The following SPTBN4 variants were observed in gnomAD, a reference collection of about 807,000 sequenced individuals.
The protein encoded by SPTBN4 is spectrin beta, non-erythrocytic 4, also known as spectrin beta chain, non-erythrocytic 4.
SPTBN4 carries 96 observed loss-of-function variants against 277.8 expected under a neutral mutation model. The ratio of observed to expected loss-of-function variants is 0.35; its 90% confidence interval spans 0.29 to 0.41. The LOEUF (loss-of-function observed/expected upper bound fraction) is 0.41. SPTBN4 is among the 10% of genes least tolerant of loss of function. SPTBN4 has a pLI of 1.00. For missense variants in SPTBN4, 3,006 were observed against 3,595.7 expected (o/e 0.84, Z 4.19); for synonymous variants, 1,481 against 1,580.3 (o/e 0.94, Z 1.49).
chr19:40,546,903 C>G (rs750030854), intron 20 of SPTBN4, among the ~76,000 whole-genome samples: 2 of 152,240 alleles, frequency 1.3e-5, no homozygotes, highest in South Asian at 4.2e-4. Context: ...ACTGTGAAGA[C>G]GAAGCAGGAT....
intron 27 of SPTBN4, among the ~76,000 whole-genome samples, chr19:40,565,005 C>T (rs979858456): frequency 2.6e-4 from 39 of 151,966 alleles, no homozygotes; most frequent in Non-Finnish European, 5.3e-4. Context: ...GACTCAACGC[C>T]TGTAATCCCA....
chr19:40,470,634 C>G (rs755592190), intron 1 of SPTBN4, among the ~76,000 whole-genome samples: 1 of 147,074 alleles, frequency 6.8e-6, no homozygotes, highest in Non-Finnish European at 1.5e-5. Flanking sequence ...TCTTCTTCTT[C>G]TTCTTCTTTT....
chr19:40,568,419 C>T, intron 31 of SPTBN4, 137 bp downstream of exon 31: 2 of 1,262,560 alleles, frequency 1.6e-6, no homozygotes, highest in Non-Finnish European at 2.1e-6. Flanking sequence ...ACCCATTTTG[C>T]AGAGGTGTAA....
chr19:40,504,148 C>CGGGGGGGG lies in SPTBN4; in HGVS notation c.1665+20_1665+21insGGGGGGGG. 1.5e-6 allele frequency: 1 copy of CGGGGGGGG among 645,772 alleles called. No individual in the cohort carries two copies. The highest frequency in any genetic ancestry group is 4.4e-5 in the East Asian group (1 of 22,940). 40.0% of individuals were successfully genotyped at this position (645,772 alleles called of 1,614,324 possible). A position where few individuals can be genotyped will look rare whatever the true frequency, so the allele number is the denominator to read the frequency against. On this transcript the variant is annotated intron_variant, in intron 12 of 35. Coordinates refer to ENST00000598249, the MANE Select transcript of SPTBN4 (RefSeq NM_020971.3). Reference sequence around the variant, plus strand: ...GGAGATGCAGGTGCCGGCGGGGGGGCGGGGATGCGGGTGGAGTGCCAGGAG... The same window carrying CGGGGGGGG: ...GGAGATGCAGGTGCCGGCGGGGGGGCGGGGGGGGGGGGATGCGGGTGGAGTGCCAGGAG...
At chr19:40,506,496 G>A in intron 13 of SPTBN4, 110 bp downstream of exon 13, 1 of 1,434,542 alleles carries the variant, frequency 7.0e-7, no homozygotes, top group South Asian at 1.4e-5. Flanking sequence ...CTTGTCCTTG[G>A]AGGCATTTAA....
intron 20 of SPTBN4, among the ~76,000 whole-genome samples, chr19:40,545,501 G>C (rs916875809): frequency 6.6e-6 from 1 of 152,276 alleles, no homozygotes; most frequent in African/African-American, 2.4e-5. Flanking sequence ...TTCTAAAAAG[G>C]CTCTACCAAT....
At chr19:40,477,524 G>C (rs1258782564) in intron 2 of SPTBN4, among the ~76,000 whole-genome samples, 2 of 152,116 alleles carry the variant, frequency 1.3e-5, no homozygotes, top group Non-Finnish European at 2.9e-5. Flanking sequence ...GACAGGGTAG[G>C]GGAGGCACAG....
chr19:40,501,899 C>A, intron 7 of SPTBN4, 22 bp from the exon 8 acceptor site: 1 of 1,607,826 alleles, frequency 6.2e-7, no homozygotes, highest in Non-Finnish European at 8.5e-7. Context: ...TGTCTTGTTT[C>A]CCCACTCCCT....
rs1302728869 is a variant in SPTBN4 at position 40,502,151 on chromosome 19, G to A, written c.921G>A (p.Val307=). 1.2e-6 allele frequency: 2 copies of A among 1,613,838 alleles called. No individual in the cohort carries two copies. The highest frequency in any genetic ancestry group is 1.7e-6 in the Non-Finnish European group (2 of 1,179,884). ...IGKVLDQVLE[V]GKIIERYEEL... The stretch of plus-strand genomic sequence containing the variant: ...AGGTCTTGGACCAGGTATTGGAGGT[G>A]GGGAAGATCATAGAACGCTACGAGG... Residue 307 remains valine (V), a synonymous_variant, in exon 9 of 36, where the codon GTG becomes GTA. Coordinates refer to ENST00000598249, the MANE Select transcript of SPTBN4 (RefSeq NM_020971.3). The surrounding 1 kb of genome is among the most constrained non-coding windows in gnomAD (Gnocchi z 4.9).
chr19:40,540,174 G>C (rs182375967), intron 20 of SPTBN4, among the ~76,000 whole-genome samples: 2 of 150,892 alleles, frequency 1.3e-5, no homozygotes, highest in African/African-American at 4.9e-5. Flanking sequence ...TGATCCGCCC[G>C]CCTCGGCCTC....
chr19:40,516,683 G>T (rs371495598), intron 15 of SPTBN4, among the ~76,000 whole-genome samples: 21 of 152,152 alleles, frequency 1.4e-4, no homozygotes, highest in African/African-American at 5.1e-4. Context: ...AATTATCCGG[G>T]CATGGTGGCA....
intron 18 of SPTBN4, among the ~76,000 whole-genome samples, chr19:40,529,471 G>A (rs1185995539): frequency 3.9e-5 from 6 of 152,184 alleles, no homozygotes; most frequent in Non-Finnish European, 7.4e-5. Context: ...CGGGGCGGGC[G>A]GTGGGGATAA....
intron 26 of SPTBN4, among the ~76,000 whole-genome samples, chr19:40,559,027 G>A (rs1192382895): frequency 6.6e-6 from 1 of 150,996 alleles, no homozygotes; most frequent in Non-Finnish European, 1.5e-5. Flanking sequence ...TGCTTCCCGG[G>A]TTCAAGCAAT....
rs114242618 is a variant in SPTBN4, at chr19:40,525,488, G to A, written c.3857+1849G>A. 1.5e-3 allele frequency among the ~76,000 whole-genome samples: 226 copies of A among 152,104 alleles called. 2 individuals are homozygous for A. The highest frequency in any genetic ancestry group is 5.3e-3 in the African/African-American group (221 of 41,500). On this transcript the variant is annotated intron_variant, in intron 17 of 35. Transcript: ENST00000598249. ...AGGTGTGAGCCACTGAGCATGGCCT[G>A]TTCCACATTTCTTGAGCACCTGCTG...
intron 20 of SPTBN4, among the ~76,000 whole-genome samples, chr19:40,542,682 T>G (rs8102847): frequency 0.28 from 43,036 of 151,294 alleles, 6,570 homozygotes; most frequent in Non-Finnish European, 0.35. Flanking sequence ...CTGTCCCATG[T>G]TTTTGTATCC....
chr19:40,473,266 T>G (rs1195774190), intron 2 of SPTBN4, among the ~76,000 whole-genome samples: 1 of 152,052 alleles, frequency 6.6e-6, no homozygotes, highest in Non-Finnish European at 1.5e-5. Flanking sequence ...GCCAGGCTGG[T>G]TTTGAACTTC....
rs1234690365 is a variant in SPTBN4 at position 40,515,926 on chromosome 19, T to TAC, written c.2903+479_2903+480insCA. Among the ~76,000 whole-genome samples, 17 of 107,642 alleles carry TAC rather than the reference T, an allele frequency of 1.6e-4. 2 individuals carry two copies. Among genetic ancestry groups the TAC allele is most frequent in the Non-Finnish European group, 2.5e-4 (14 of 55,992 alleles). 70.6% of individuals were successfully genotyped at this position (107,642 alleles called of 152,430 possible). A position where few individuals can be genotyped will look rare whatever the true frequency, so the allele number is the denominator to read the frequency against. ...AAATATATATATACACACACATATA[T>TAC]ATACACACATATATACGTATATATA... On this transcript the variant is annotated intron_variant, in intron 15 of 35. Coordinates refer to ENST00000598249, the MANE Select transcript of SPTBN4 (RefSeq NM_020971.3). This position sits in a 1 kb window ranked among gnomAD's most constrained non-coding sequence, Gnocchi z 4.1.
rs2080947598 is a variant in SPTBN4, at chr19:40,554,099, C to T, written c.4675-48C>T. On this transcript the variant is annotated intron_variant, in intron 22 of 35. Transcript: ENST00000598249. The surrounding 1 kb of genome is among the most constrained non-coding windows in gnomAD (Gnocchi z 5.7). ...AGAGGAGCGTGTGGTCTTGCAGGGC[C>T]TCGGAACGCCCCCTCTCCACCCACA... is the stretch of plus-strand genomic sequence containing the variant. 3 of 1,397,112 alleles carry T rather than the reference C, an allele frequency of 2.1e-6. No homozygotes were observed. The highest frequency in any genetic ancestry group is 2.8e-5 in the East Asian group (1 of 35,222). 86.5% of individuals were successfully genotyped at this position (1,397,112 alleles called of 1,614,324 possible). A position where few individuals can be genotyped will look rare whatever the true frequency, so the allele number is the denominator to read the frequency against.
Position 40,513,378 on chromosome 19 carries a change from C to T in SPTBN4, c.2589C>T (p.Phe863=). The T allele has an allele frequency of 6.2e-7, 1 of 1,603,276 alleles. No homozygotes were observed. The highest frequency in any genetic ancestry group is 8.5e-7 in the Non-Finnish European group (1 of 1,176,454). The change falls in exon 14 of 36, where the codon TTC becomes TTT. Residue 863 remains phenylalanine (F), a synonymous_variant. Coordinates refer to ENST00000598249, the MANE Select transcript of SPTBN4 (RefSeq NM_020971.3). ...QVRVVEAEQL[F]AEVTEVAALR... ...GCGTGGTGGAAGCAGAGCAGTTGTT[C>T]GCTGAGGTGACCGAAGTGGCGGCGC...
Sources: allele counts gnomAD v4.1 joint callset (sites outside exome capture counted in the v4.1 genomes callset), GRCh38; gene constraint gnomAD v4.1.1; non-coding constraint Gnocchi (gnomAD v3.1); transcripts MANE v1.5; gene names NCBI Gene and HGNC (gene_info 2026-07-23, HGNC 2026-07-21).